The following SRBD1 variants were observed in gnomAD, a reference collection of about 807,000 sequenced individuals.
SRBD1 encodes S1 RNA binding domain 1.
In SRBD1, 88 loss-of-function variants were observed where a neutral mutation model predicts 115.3. That is an observed-to-expected ratio of 0.76 (90% CI 0.64 to 0.91). The LOEUF is 0.91. Ranked by LOEUF, SRBD1 falls within the 40% of genes least tolerant of loss-of-function variation. The pLI, the probability that SRBD1 is intolerant of heterozygous loss-of-function variation, is 0.00. For missense variants in SRBD1, 1,385 were observed against 1,177.4 expected (o/e 1.18, Z -2.58); for synonymous variants, 509 against 407.7 (o/e 1.25, Z -2.99).
At chr2:45,467,258 G>A (rs947754530) in intron 16 of SRBD1, among the ~76,000 whole-genome samples, 2 of 152,196 alleles carry the variant, frequency 1.3e-5, no homozygotes, top group African/African-American at 2.4e-5. Context: ...AAGCTTGTTG[G>A]CATGTGGGGC....
At chr2:45,501,724 C>T (rs1043292851) in intron 14 of SRBD1, among the ~76,000 whole-genome samples, 11 of 152,146 alleles carry the variant, frequency 7.2e-5, no homozygotes, top group Non-Finnish European at 8.8e-5. Flanking sequence ...AACTGCAAAG[C>T]GGCAGCAAGG....
intron 5 of SRBD1, among the ~76,000 whole-genome samples, chr2:45,583,117 T>A (rs1335664533): frequency 6.6e-6 from 1 of 152,004 alleles, no homozygotes; most frequent in Non-Finnish European, 1.5e-5. Context: ...ATCTGCCTAA[T>A]AATGGTATTG....
Position 45,489,777 on chromosome 2 carries a change from T to G in SRBD1, c.1875-1446A>C, listed in dbSNP as rs115785253. The stretch of plus-strand genomic sequence containing the variant: ...AGTTAGATTTGGACCCTAACCTGCT[T>G]GATTTCCAAGTCTGAGCCCTTAACC... On this transcript the variant is annotated intron_variant, in intron 14 of 20. Coordinates refer to ENST00000263736, the MANE Select transcript of SRBD1 (RefSeq NM_018079.5). Among the ~76,000 whole-genome samples the G allele has an allele frequency of 6.2e-3, 944 of 152,256 alleles. 7 individuals carry two copies. The highest frequency in any genetic ancestry group is 0.022 in the African/African-American group (895 of 41,572).
intron 19 of SRBD1, among the ~76,000 whole-genome samples, chr2:45,410,808 C>G (rs965732458): frequency 6.6e-6 from 1 of 152,200 alleles, no homozygotes; most frequent in Non-Finnish European, 1.5e-5. Context: ...GGCCTGGGTT[C>G]CAATGAGCTT....
chr2:45,574,682 T>C lies in SRBD1; in HGVS notation c.1114A>G (p.Ile372Val), dbSNP rs143922562. 2 of 1,613,710 alleles carry C rather than the reference T, an allele frequency of 1.2e-6. No individual in the cohort carries two copies. The highest frequency in any genetic ancestry group is 2.7e-5 in the African/African-American group (2 of 74,904). Residue 372 changes from isoleucine (I) to valine (V), a missense_variant, in exon 8 of 21, where the codon ATT becomes GTT. Coordinates refer to ENST00000263736, the MANE Select transcript of SRBD1 (RefSeq NM_018079.5). ...LQDIEIGVQH[I>V]LADMIAKDKD... ...TCTTTAGCAATCATATCTGCTAAAA[T>C]ATGCTGCACTCCTATTTCAATATCC...
chr2:45,391,119 G>A (rs1265121171), intron 20 of SRBD1, among the ~76,000 whole-genome samples: 2 of 151,928 alleles, frequency 1.3e-5, no homozygotes, highest in Non-Finnish European at 2.9e-5. Context: ...ATTCCCTAAG[G>A]GTTCCTGATC....
chr2:45,474,563 G>C (rs1156424508), intron 16 of SRBD1, among the ~76,000 whole-genome samples: 1 of 152,198 alleles, frequency 6.6e-6, no homozygotes, highest in Non-Finnish European at 1.5e-5. Flanking sequence ...GAGGAGGTCA[G>C]TACAGGCCTA....
intron 14 of SRBD1, among the ~76,000 whole-genome samples, chr2:45,509,818 T>TTG: frequency 6.6e-6 from 1 of 152,294 alleles, no homozygotes; most frequent in Middle Eastern, 3.4e-3. Flanking sequence ...CACTATAGCC[T>TTG]TGTATTCTTG....
chr2:45,474,406 C>T (rs1225629956), intron 16 of SRBD1, among the ~76,000 whole-genome samples: 3 of 152,204 alleles, frequency 2.0e-5, no homozygotes, highest in Non-Finnish European at 4.4e-5. Context: ...GACATCATGC[C>T]AGGTGTCATG....
At chr2:45,600,419 T>C (rs978314623) in intron 3 of SRBD1, among the ~76,000 whole-genome samples, 1 of 152,098 alleles carries the variant, frequency 6.6e-6, no homozygotes, top group Non-Finnish European at 1.5e-5. Flanking sequence ...AAAGGATAGG[T>C]CTACACATGC....
At chr2:45,594,602 G>A (rs971920355) in intron 4 of SRBD1, among the ~76,000 whole-genome samples, 3 of 152,106 alleles carry the variant, frequency 2.0e-5, no homozygotes, top group Non-Finnish European at 4.4e-5. Context: ...CAAAAGACCT[G>A]GTGATCCCCA....
intron 9 of SRBD1, among the ~76,000 whole-genome samples, chr2:45,564,371 C>T (rs972832448): frequency 6.6e-6 from 1 of 152,178 alleles, no homozygotes; most frequent in Non-Finnish European, 1.5e-5. Context: ...AGGAACAAGA[C>T]AAGCGTGTCC....
At chr2:45,444,581 T>C (rs1245085521) in intron 16 of SRBD1, among the ~76,000 whole-genome samples, 1 of 152,190 alleles carries the variant, frequency 6.6e-6, no homozygotes, top group Non-Finnish European at 1.5e-5. Context: ...TATTTAAAAA[T>C]CAAAATATGC....
chr2:45,408,383 G>A (rs1209785062), intron 19 of SRBD1, among the ~76,000 whole-genome samples: 1 of 152,144 alleles, frequency 6.6e-6, no homozygotes, highest in Non-Finnish European at 1.5e-5. Flanking sequence ...CCAAAAGGCC[G>A]AGAAGCGATC....
intron 19 of SRBD1, among the ~76,000 whole-genome samples, chr2:45,397,597 T>C (rs959100075): frequency 6.6e-6 from 1 of 152,168 alleles, no homozygotes; most frequent in Admixed American, 6.6e-5. Flanking sequence ...TAATCATCAC[T>C]GAGGAATCTT....
chr2:45,477,162 G>A, intron 15 of SRBD1, 87 bp from the exon 16 acceptor site: 2 of 1,081,804 alleles, frequency 1.8e-6, no homozygotes, highest in South Asian at 2.7e-5. Context: ...CATAATGTAA[G>A]TACTTAATCC....
At chr2:45,576,367 A>G (rs1395557333) in intron 7 of SRBD1, among the ~76,000 whole-genome samples, 2 of 151,928 alleles carry the variant, frequency 1.3e-5, no homozygotes, top group African/African-American at 4.8e-5. Flanking sequence ...ACAGTAGGCT[A>G]TTAACAATTA....
At chr2:45,593,104 C>T (rs563413738) in intron 4 of SRBD1, among the ~76,000 whole-genome samples, 3 of 152,220 alleles carry the variant, frequency 2.0e-5, no homozygotes, top group Non-Finnish European at 2.9e-5. Flanking sequence ...AAGGCACTCT[C>T]GAGAATTTTT....
intron 16 of SRBD1, among the ~76,000 whole-genome samples, chr2:45,459,350 C>A (rs1344290286): frequency 2.6e-5 from 4 of 152,150 alleles, no homozygotes; most frequent in African/African-American, 9.7e-5. Context: ...CTTCCTCATT[C>A]CTGGATTATG....
Sources: allele counts gnomAD v4.1 joint callset (sites outside exome capture counted in the v4.1 genomes callset), GRCh38; gene constraint gnomAD v4.1.1; transcripts MANE v1.5; gene names NCBI Gene and HGNC (gene_info 2026-07-23, HGNC 2026-07-21).